SAMD3: variants seen among roughly 807,000 people sequenced by gnomAD.
SAMD3 encodes the protein sterile alpha motif domain-containing protein 3.
SAMD3 carries 63 observed loss-of-function variants against 58.5 expected under a neutral mutation model. That is an observed-to-expected ratio of 1.08 (90% CI 0.88 to 1.33). The LOEUF is 1.33. SAMD3 is among the 40% of genes most tolerant of loss of function. The pLI is 0.00. For synonymous variants in SAMD3, 220 were observed against 210.3 expected (o/e 1.05, Z -0.40); for missense variants, 604 against 608.4 (o/e 0.99, Z 0.08).
intron 2 of SAMD3, among the ~76,000 whole-genome samples, chr6:130,269,685 G>C (rs935683992): frequency 4.1e-5 from 6 of 147,362 alleles, no homozygotes; most frequent in Non-Finnish European, 8.9e-5. Context: ...TTCATTGACT[G>C]TCTCTATTGT....
chr6:130,322,189 C>A (rs914266438), intron 1 of SAMD3, among the ~76,000 whole-genome samples: 1 of 152,060 alleles, frequency 6.6e-6, no homozygotes, highest in Non-Finnish European at 1.5e-5. Context: ...GAGGCTAGTC[C>A]AGAATTGGGA....
intron 8 of SAMD3, among the ~76,000 whole-genome samples, chr6:130,173,828 G>T (rs1413372760): frequency 6.6e-6 from 1 of 152,254 alleles, no homozygotes; most frequent in Non-Finnish European, 1.5e-5. Context: ...CTGTCCCATG[G>T]AGATGGGGAT....
At chr6:130,145,037 A>G (rs1167999863) in intron 11 of SAMD3, among the ~76,000 whole-genome samples, 2 of 152,196 alleles carry the variant, frequency 1.3e-5, no homozygotes, top group Non-Finnish European at 2.9e-5. Context: ...AGGCAGGTGG[A>G]TCACCTGAGG....
chr6:130,247,568 T>C (rs1310361306), intron 2 of SAMD3, among the ~76,000 whole-genome samples: 1 of 151,988 alleles, frequency 6.6e-6, no homozygotes, highest in Non-Finnish European at 1.5e-5. Context: ...TGCAAATATA[T>C]TTAAAATCGT....
upstream of SAMD3, chr6:130,222,954 G>A (rs1283492666): frequency 6.6e-6 from 1 of 152,180 alleles, no homozygotes; most frequent in African/African-American, 2.4e-5. Flanking sequence ...GCAAGACTGG[G>A]AGCCTCACAG....
chr6:130,303,570 G>A (rs1775820638), intron 2 of SAMD3, among the ~76,000 whole-genome samples: 1 of 152,102 alleles, frequency 6.6e-6, no homozygotes, highest in South Asian at 2.1e-4. Flanking sequence ...AAAAAGTTTG[G>A]AGTCAAAATC....
At chr6:130,250,544 CA>C (rs1773703973) in intron 2 of SAMD3, among the ~76,000 whole-genome samples, 1 of 152,084 alleles carries the variant, frequency 6.6e-6, no homozygotes, top group Non-Finnish European at 1.5e-5. Context: ...TATATTACCC[CA>C]AAAAGAAACT....
intron 2 of SAMD3, among the ~76,000 whole-genome samples, chr6:130,305,171 G>C (rs547134085): frequency 1.3e-5 from 2 of 151,738 alleles, no homozygotes; most frequent in East Asian, 1.9e-4. Flanking sequence ...CCTGAGCTCA[G>C]GCAATCCGCC....
intron 8 of SAMD3, chr6:130,162,168 A>G (rs1463108728): frequency 3.0e-6 from 2 of 671,140 alleles, no homozygotes; most frequent in African/African-American, 1.8e-5. Context: ...AGTTTTGGCA[A>G]CATAGAGTGT....
chr6:130,163,202 G>A (rs1445167020), intron 8 of SAMD3, among the ~76,000 whole-genome samples: 1 of 152,132 alleles, frequency 6.6e-6, no homozygotes, highest in Non-Finnish European at 1.5e-5. Context: ...ATGATTACAT[G>A]TTGAAATAAT....
At chr6:130,359,294 A>G (rs898782929) in intron 1 of SAMD3, among the ~76,000 whole-genome samples, 1 of 152,236 alleles carries the variant, frequency 6.6e-6, no homozygotes, top group African/African-American at 2.4e-5. Flanking sequence ...TTGAGTACAC[A>G]GAACAAATTC....
rs779164883 is a variant in SAMD3, at chr6:130,144,789, G to A, written c.1294C>T (p.Pro432Ser). 3.7e-6 allele frequency: 6 copies of A among 1,612,206 alleles called. No homozygotes were observed. The highest frequency in any genetic ancestry group is 1.3e-5 in the African/African-American group (1 of 74,724). ...AAAGGGTTTTTAACTTCCAACACAG[G>A]TGTGGACACTTGCACCTGAAAAAAA... ...IMNEQVQVSTPVLEVKNPFNM... is the reference protein window; with the variant it reads ...IMNEQVQVSTSVLEVKNPFNM... Residue 432 changes from proline to serine, a missense_variant, in exon 12 of 12, where the codon CCT becomes TCT. Physicochemically the swap from Pro to Ser is moderately conservative, Grantham distance 74 (BLOSUM62 -1). Transcript: ENST00000439090.
At chr6:130,316,022 G>A (rs1776355122) in intron 1 of SAMD3, among the ~76,000 whole-genome samples, 1 of 152,184 alleles carries the variant, frequency 6.6e-6, no homozygotes, top group African/African-American at 2.4e-5. Flanking sequence ...CGGGCGTGGT[G>A]GCTCACCCTT....
intron 5 of SAMD3, among the ~76,000 whole-genome samples, chr6:130,205,680 GA>G (rs1345003008): frequency 1.3e-5 from 2 of 152,116 alleles, no homozygotes; most frequent in Non-Finnish European, 2.9e-5. Context: ...ACAACAGCAA[GA>G]AAAAACATGG....
chr6:130,266,481 ACTTCACC>A (rs1280284743), intron 2 of SAMD3, among the ~76,000 whole-genome samples: 1 of 152,172 alleles, frequency 6.6e-6, no homozygotes, highest in Non-Finnish European at 1.5e-5. Flanking sequence ...GTAGGGAAGG[ACTTCACC>A]CTTCCTGTAG....
At chr6:130,308,483 C>T (rs1263248827) in intron 2 of SAMD3, among the ~76,000 whole-genome samples, 1 of 150,678 alleles carries the variant, frequency 6.6e-6, no homozygotes, top group Non-Finnish European at 1.5e-5. Context: ...GAAAGCTCAT[C>T]TGTAGGCCAA....
At chr6:130,233,078 A>G (rs979386329) in intron 2 of SAMD3, among the ~76,000 whole-genome samples, 1 of 152,096 alleles carries the variant, frequency 6.6e-6, no homozygotes, top group African/African-American at 2.4e-5. Context: ...CTGAGGGCAC[A>G]ATCTCCCATA....
chr6:130,301,361 A>G (rs1775740800), intron 2 of SAMD3, among the ~76,000 whole-genome samples: 1 of 152,208 alleles, frequency 6.6e-6, no homozygotes, highest in African/African-American at 2.4e-5. Context: ...ATACTTAGGA[A>G]TACACTAAAC....
chr6:130,287,115 T>G (rs969711374), intron 2 of SAMD3, among the ~76,000 whole-genome samples: 2 of 152,194 alleles, frequency 1.3e-5, no homozygotes, highest in African/African-American at 4.8e-5. Flanking sequence ...CTCCAGTTTT[T>G]TTCTTCTGTC....
Sources: allele counts gnomAD v4.1 joint callset (sites outside exome capture counted in the v4.1 genomes callset), GRCh38; gene constraint gnomAD v4.1.1; transcripts MANE v1.5; gene names NCBI Gene and HGNC (gene_info 2026-07-23, HGNC 2026-07-21).